ABI1: variants seen among roughly 807,000 people sequenced by gnomAD.
ABI1 encodes Abelson interactor 1.
ABI1 carries 14 observed loss-of-function variants against 54.6 expected under a neutral mutation model. That is an observed-to-expected ratio of 0.26 (90% CI 0.17 to 0.40). The LOEUF is 0.40. Among genes scored for constraint, ABI1 ranks in the 10% least tolerant of loss-of-function variants. The probability of loss-of-function intolerance (pLI) is 1.00; values close to 1 mark genes in which losing one functional copy is unlikely to be tolerated. For missense variants in ABI1, 443 were observed against 598.3 expected (o/e 0.74, Z 2.71); for synonymous variants, 194 against 209.3 (o/e 0.93, Z 0.63).
rs1233428973 is a variant in ABI1, at chr10:26,808,087, C to CA, written c.285+15050dup. 2.0e-5 allele frequency among the ~76,000 whole-genome samples: 3 copies of CA among 151,756 alleles called. No individual in the cohort carries two copies. In the South Asian group the frequency reaches 6.2e-4, roughly 32 times the overall value. ...AGCCTGGGCGTCACGAGACTCTGTT[C>CA]AAAAAAACACAAAAAAGTAGCAAAC... On this transcript the variant is annotated intron_variant, in intron 2 of 10. Coordinates refer to ENST00000376140, the MANE Select transcript of ABI1 (RefSeq NM_001012750.3).
chr10:26,826,153 T>C (rs1305214524), intron 1 of ABI1, among the ~76,000 whole-genome samples: 3 of 152,254 alleles, frequency 2.0e-5, no homozygotes, highest in Non-Finnish European at 2.9e-5. Flanking sequence ...AAGGCAGCTA[T>C]AGCCTTACAA....
intron 7 of ABI1, chr10:26,763,947 G>A (rs770294372): frequency 6.2e-7 from 1 of 1,611,732 alleles, no homozygotes. Flanking sequence ...AAGGAGGAGG[G>A]ACAGAAATGT....
intron 2 of ABI1, among the ~76,000 whole-genome samples, chr10:26,817,011 TG>T (rs1335298250): frequency 5.3e-5 from 8 of 151,730 alleles, no homozygotes; most frequent in South Asian, 4.2e-4. Flanking sequence ...TGTGTGTGTG[TG>T]TGTGTGTGAC....
intron 8 of ABI1, among the ~76,000 whole-genome samples, chr10:26,758,164 C>A (rs1173116382): frequency 3.3e-5 from 5 of 150,510 alleles, no homozygotes; most frequent in African/African-American, 1.2e-4. Context: ...CTTAAAGCAA[C>A]CTCCTATGTA....
intron 2 of ABI1, among the ~76,000 whole-genome samples, chr10:26,804,031 A>G (rs1447505335): frequency 2.0e-5 from 3 of 152,182 alleles, no homozygotes; most frequent in Non-Finnish European, 4.4e-5. Flanking sequence ...ATTAAGAACA[A>G]ATATAATTGA....
intron 2 of ABI1, among the ~76,000 whole-genome samples, chr10:26,822,430 A>G (rs1231556466): frequency 6.6e-6 from 1 of 152,210 alleles, no homozygotes; most frequent in East Asian, 1.9e-4. Context: ...TTTTCATAGG[A>G]TTTGTAATAG....
At chr10:26,821,877 C>T (rs2048009772) in intron 2 of ABI1, among the ~76,000 whole-genome samples, 1 of 150,704 alleles carries the variant, frequency 6.6e-6, no homozygotes, top group Admixed American at 6.6e-5. Context: ...GGTGAAATAG[C>T]TAAATTCCTA....
chr10:26,812,874 C>T (rs1429808164), intron 2 of ABI1, among the ~76,000 whole-genome samples: 1 of 152,180 alleles, frequency 6.6e-6, no homozygotes, highest in Non-Finnish European at 1.5e-5. Flanking sequence ...GGAGTTATGA[C>T]TTCAAAATAT....
chr10:26,748,126 A>G lies in ABI1; in HGVS notation c.*444T>C, dbSNP rs1837141206. 4.6e-6 allele frequency: 1 copy of G among 215,214 alleles called. No homozygotes were observed. 13.3% of individuals were successfully genotyped at this position (215,214 alleles called of 1,614,324 possible). On this transcript the variant is annotated 3_prime_UTR_variant, in exon 11 of 11. Transcript: ENST00000376140. ...AAATTTTTATGCATGCTTTAAACAAACAGTATTTTTTTTAAATGAGAGAAT... is the reference window on the plus strand; with the variant it reads ...AAATTTTTATGCATGCTTTAAACAAGCAGTATTTTTTTTAAATGAGAGAAT...
intron 2 of ABI1, among the ~76,000 whole-genome samples, chr10:26,806,978 T>C (rs895177716): frequency 1.2e-4 from 18 of 152,216 alleles, no homozygotes; most frequent in South Asian, 2.1e-4. Flanking sequence ...TTTATCTCAA[T>C]TGATTATCTT....
chr10:26,762,309 T>C (rs1839340821), intron 7 of ABI1, among the ~76,000 whole-genome samples: 1 of 152,158 alleles, frequency 6.6e-6, no homozygotes, highest in South Asian at 2.1e-4. Context: ...TGCCCAGCCT[T>C]ACAGCTTGTT....
rs143359938 is a variant in ABI1, at chr10:26,836,157, G to A, written c.118-12852C>T. 5.4e-3 allele frequency among the ~76,000 whole-genome samples: 818 copies of A among 152,064 alleles called. 9 individuals carry two copies. Among genetic ancestry groups the A allele is most frequent in the Non-Finnish European group, 4.8e-3 (323 of 67,984 alleles). On this transcript the variant is annotated intron_variant, in intron 1 of 10. Coordinates refer to ENST00000376140, the MANE Select transcript of ABI1 (RefSeq NM_001012750.3). ...AGACACAGTCTTGCTCTGTCACCCA[G>A]GCTGCAGTGTAGTGGCGCAATCTCA...
At chr10:26,785,240 T>C (rs1441684494) in intron 2 of ABI1, among the ~76,000 whole-genome samples, 1 of 152,200 alleles carries the variant, frequency 6.6e-6, no homozygotes, top group Admixed American at 6.5e-5. Flanking sequence ...GTGAATACTG[T>C]TGGAAGGCAA....
chr10:26,761,311 C>T (rs1315809081), intron 7 of ABI1, among the ~76,000 whole-genome samples: 1 of 151,654 alleles, frequency 6.6e-6, no homozygotes, highest in Non-Finnish European at 1.5e-5. Flanking sequence ...GTACAGAAAT[C>T]GAGTTATTTT....
Position 26,860,881 on chromosome 10 carries a change from C to G in ABI1, c.-18G>C, listed in dbSNP as rs918658238. 1 of 1,606,634 alleles carries G rather than the reference C, an allele frequency of 6.2e-7. No individual in the cohort carries two copies. Among genetic ancestry groups the G allele is most frequent in the East Asian group, 2.2e-5 (1 of 44,852 alleles). ...TCTGCCATTTTCCACCCCTCTGCAT[C>G]GCTTCCTCTCGCGTTAAAGAGACAG... On this transcript the variant is annotated 5_prime_UTR_variant, in exon 1 of 11. Transcript: ENST00000376140. The surrounding 1 kb of genome is among the most constrained non-coding windows in gnomAD (Gnocchi z 4.1).
chr10:26,746,665 C>A lies in ABI1; in HGVS notation c.*1905G>T. 1 of 585,500 alleles carries A rather than the reference C, an allele frequency of 1.7e-6. No individual in the cohort carries two copies. The highest frequency in any genetic ancestry group is 2.0e-5 in the South Asian group (1 of 50,906). 36.3% of individuals were successfully genotyped at this position (585,500 alleles called of 1,614,324 possible). ...AAACTTTTTAAATGTAATTAATAAA[C>A]CACCTGAATCTGTCATTCTAGTCCT... On this transcript the variant is annotated 3_prime_UTR_variant, in exon 11 of 11. Transcript: ENST00000376140.
At chr10:26,856,287 A>C (rs1193330345) in intron 1 of ABI1, among the ~76,000 whole-genome samples, 3 of 151,818 alleles carry the variant, frequency 2.0e-5, no homozygotes, top group Non-Finnish European at 2.9e-5. Context: ...AAAAAAAAAA[A>C]AAACCCATTC....
chr10:26,848,200 C>CAAAAA (rs149066426), intron 1 of ABI1, among the ~76,000 whole-genome samples: 29 of 78,646 alleles, frequency 3.7e-4, no homozygotes, highest in South Asian at 1.5e-3. Flanking sequence ...GACCCTGTCT[C>CAAAAA]AAAAAAAAAA....
At chr10:26,771,037 G>A (rs746883431) in intron 4 of ABI1, 38 bp downstream of exon 4, 19 of 1,611,654 alleles carry the variant, frequency 1.2e-5, no homozygotes, top group Admixed American at 3.3e-5. Flanking sequence ...CAATACAGAG[G>A]AAATACTGTG....
Sources: gnomAD v4.1 joint callset for allele counts (sites outside exome capture counted in the v4.1 genomes callset) on GRCh38, gnomAD v4.1.1 for gene constraint, Gnocchi (gnomAD v3.1) non-coding constraint, MANE v1.5 for transcripts, NCBI Gene and HGNC (gene_info 2026-07-23, HGNC 2026-07-21) for gene names.